NOTCH3: variants seen among roughly 807,000 people sequenced by gnomAD.
NOTCH3 encodes the protein neurogenic locus notch homolog protein 3.
A neutral mutation model predicts 213.3 loss-of-function variants in NOTCH3; 86 were observed. That is an observed-to-expected ratio of 0.40 (90% CI 0.34 to 0.48). The LOEUF (loss-of-function observed/expected upper bound fraction) is 0.48. Ranked by LOEUF, NOTCH3 falls within the 20% of genes least tolerant of loss-of-function variation. NOTCH3 has a pLI of 0.57. For synonymous variants in NOTCH3, 1,354 were observed against 1,355.9 expected, an observed-to-expected ratio of 1.00 and a Z score of 0.03; for missense variants, 2,783 against 3,272.6, an observed-to-expected ratio of 0.85 and a Z score of 3.65.
rs763037697 is a variant in NOTCH3, at chr19:15,184,367, TC to T, written c.2493del (p.Ser832ValfsTer28). 5 of 1,613,662 alleles carry T rather than the reference TC, an allele frequency of 3.1e-6. No individual in the cohort carries two copies. Among genetic ancestry groups the T allele is most frequent in the Non-Finnish European group, 4.2e-6 (5 of 1,179,884 alleles). On this transcript the variant is annotated frameshift_variant, in exon 16 of 33. Coordinates refer to ENST00000263388, the MANE Select transcript of NOTCH3 (RefSeq NM_000435.3). LOFTEE classifies it high-confidence loss of function. The stretch of plus-strand genomic sequence containing the variant: ...CCTCCATGGCAGGTGCAGCTGAAAC[TC>T]CCTGCCAGGTTGGTGCAGATACCAT... ...GPHGICTNLA[G>X]SFSCTCHGGY...
At chr19:15,173,876 C>G (rs1027054330) in intron 25 of NOTCH3, among the ~76,000 whole-genome samples, 192 bp downstream of exon 25, 1 of 152,242 alleles carries the variant, frequency 6.6e-6, no homozygotes, top group Non-Finnish European at 1.5e-5. Flanking sequence ...CAAGCCAGCA[C>G]TAGACCTGGG....
intron 24 of NOTCH3, 34 bp downstream of exon 24, chr19:15,177,491 T>C (rs373031483): frequency 5.7e-6 from 9 of 1,585,820 alleles, no homozygotes; most frequent in African/African-American, 5.4e-5. Flanking sequence ...GATGGATGCA[T>C]AGACAGACGG....
At chr19:15,197,441 G>GCGCCCCCCCCCCCCCC in intron 2 of NOTCH3, 59 bp downstream of exon 2, 14 of 768,342 alleles carry the variant, frequency 1.8e-5, no homozygotes, top group Non-Finnish European at 2.5e-5. Context: ...AAGACAAATC[G>GCGCCCCCCCCCCCCCC]CCCCTCCCCC....
At position 15,161,445 on chromosome 19, in the gene NOTCH3, C is replaced by T. The variant is rs2046642074; in HGVS notation, c.6183G>A (p.Lys2061=). The T allele has an allele frequency of 6.4e-7, 1 of 1,552,382 alleles. No individual in the cohort carries two copies. Among genetic ancestry groups the T allele is most frequent in the African/African-American group, 1.4e-5 (1 of 73,524 alleles). ...CCTTCCCGGGGGGCCTCCTGCTCTT[C>T]TTGGACCCCGACTGTGCCGCTTTGA... ...PGLKAAQSGS[K]KSRRPPGKAG... The change falls in exon 33 of 33, where the codon AAG becomes AAA. Residue 2061 remains lysine (K), a synonymous_variant. Coordinates refer to ENST00000263388, the MANE Select transcript of NOTCH3 (RefSeq NM_000435.3).
chr19:15,170,596 G>A (rs1167866343), intron 26 of NOTCH3, 43 bp from the exon 27 acceptor site: 2 of 1,589,406 alleles, frequency 1.3e-6, no homozygotes, highest in Admixed American at 1.7e-5. Context: ...CCGAGGGCGG[G>A]GCTTTGGCCT....
chr19:15,181,217 C>A, intron 17 of NOTCH3, 55 bp from the exon 18 acceptor site: 1 of 1,498,376 alleles, frequency 6.7e-7, no homozygotes. Context: ...ACAGGCCCTG[C>A]CCTCCTTCCT....
In NOTCH3 at chr19:15,161,126, C is replaced by T. The variant is rs1195174420; in HGVS notation, c.6502G>A (p.Val2168Met). ...LSLGLLNPVAVPLDWARLPPP... is the reference protein window; with the variant it reads ...LSLGLLNPVAMPLDWARLPPP... ...GGCAGCCGGGCCCAATCGAGGGGCA[C>T]AGCCACAGGGTTCAGCAGGCCCAGG... The change falls in exon 33 of 33, where the codon GTG (valine) becomes ATG (methionine). Residue 2168 changes from valine to methionine, a missense_variant. Val to Met is a conservative substitution (Grantham distance 21). This residue lies in a region of NOTCH3 where 441 missense variants were observed against 432.1 expected (regional missense o/e 1.02). Transcript: ENST00000263388. The T allele has an allele frequency of 3.9e-6, 6 of 1,539,938 alleles. No individual in the cohort carries two copies. The highest frequency in any genetic ancestry group is 1.7e-4 in the Middle Eastern group (1 of 5,746).
chr19:15,161,642 C>A lies in NOTCH3; in HGVS notation c.5986G>T (p.Ala1996Ser). 1 of 1,613,804 alleles carries A rather than the reference C, an allele frequency of 6.2e-7. No homozygotes were observed. Among genetic ancestry groups the A allele is most frequent in the Non-Finnish European group, 8.5e-7 (1 of 1,179,898 alleles). ...AGGTGGTCGGTGATCTCACGGTTGG[C>A]AAAGTGGTCCAACAGCAGCTTGGCA... ...EAAKLLLDHF[A>S]NREITDHLDR... The change falls in exon 33 of 33, where the codon GCC (alanine) becomes TCC (serine). Residue 1996 changes from alanine to serine, a missense_variant. By Grantham distance (99) the Ala-to-Ser change is moderately conservative. Coordinates refer to ENST00000263388, the MANE Select transcript of NOTCH3 (RefSeq NM_000435.3).
rs2145420812 is a variant in NOTCH3, at chr19:15,180,259, G to A, written c.3143-3C>T. On this transcript the variant is annotated splice_polypyrimidine_tract_variant and splice_region_variant and intron_variant, in intron 19 of 32. Coordinates refer to ENST00000263388, the MANE Select transcript of NOTCH3 (RefSeq NM_000435.3). ...ACACAGCTGCTCCAGCCGCACCCCT[G>A]CAAAGAGGAGAGTGGCACAGGAACA... 1 of 1,613,634 alleles carries A rather than the reference G, an allele frequency of 6.2e-7. No individual in the cohort carries two copies. Among genetic ancestry groups the A allele is most frequent in the Non-Finnish European group, 8.5e-7 (1 of 1,179,962 alleles).
intron 2 of NOTCH3, among the ~76,000 whole-genome samples, chr19:15,193,330 G>A (rs996652934): frequency 4.6e-5 from 7 of 151,640 alleles, no homozygotes; most frequent in African/African-American, 1.5e-4. Flanking sequence ...TCCACCTCCC[G>A]GGGTTCAAGC....
At position 15,185,263 on chromosome 19, in the gene NOTCH3, C is replaced by A. The variant is rs1370997099; in HGVS notation, c.2290G>T (p.Val764Phe). Residue 764 changes from valine (V) to phenylalanine (F), a missense_variant, in exon 14 of 33, where the codon GTC (valine) becomes TTC (phenylalanine). Physicochemically the swap from Val to Phe is conservative, Grantham distance 50. Coordinates refer to ENST00000263388, the MANE Select transcript of NOTCH3 (RefSeq NM_000435.3). The surrounding 1 kb of genome is among the most constrained non-coding windows in gnomAD (Gnocchi z 4.2). ...GGGAAGGTGAGGTACACACCCTGGA[C>A]ACCAGGCGGGCAGGTGCAGTGGAAA... ...MGFHCTCPPG[V>F]QGRQCELLSP... is the part of the protein sequence containing the mutation. The A allele has an allele frequency of 6.2e-7, 1 of 1,613,164 alleles. No homozygotes were observed. Among genetic ancestry groups the A allele is most frequent in the Admixed American group, 1.7e-5 (1 of 60,010 alleles).
chr19:15,187,965 C>G lies in NOTCH3; in HGVS notation c.1522G>C (p.Val508Leu). Residue 508 changes from valine to leucine, a missense_variant, in exon 10 of 33, where the codon GTG (valine) becomes CTG (leucine). Val to Leu is a conservative substitution (Grantham distance 32, BLOSUM62 1). Transcript: ENST00000263388. The stretch of plus-strand genomic sequence containing the variant: ...CAGGGCGTGCTGGCGCATTCGTCCA[C>G]GTCCAGCTGACACGTGGAGCCGCTG... The part of the protein sequence containing the change: ...GFSGSTCQLD[V>L]DECASTPCRN... 6.4e-7 allele frequency: 1 copy of G among 1,550,950 alleles called. No homozygotes were observed. The highest frequency in any genetic ancestry group is 8.7e-7 in the Non-Finnish European group (1 of 1,146,988).
At position 15,185,642 on chromosome 19, in the gene NOTCH3, G is replaced by A. The variant is rs2046875724; in HGVS notation, c.1989C>T (p.Ser663=). 1 of 1,613,584 alleles carries A rather than the reference G, an allele frequency of 6.2e-7. No homozygotes were observed. Among genetic ancestry groups the A allele is most frequent in the Non-Finnish European group, 8.5e-7 (1 of 1,180,016 alleles). Residue 663 remains serine (S), a synonymous_variant, in exon 13 of 33, where the codon TCC becomes TCT. Transcript: ENST00000263388. This position sits in a 1 kb window ranked among gnomAD's most constrained non-coding sequence, Gnocchi z 4.2. ...LCNVEINECA[S]SPCGEGGSCV... is the part of the protein sequence containing the mutation. ...AGGAACCTCCCTCGCCGCATGGGCTGGAAGCACACTCATTGATCTCCACGT... is the reference window on the plus strand; with the variant it reads ...AGGAACCTCCCTCGCCGCATGGGCTAGAAGCACACTCATTGATCTCCACGT...
chr19:15,166,224 A>G (rs776095100), intron 29 of NOTCH3, 133 bp from the exon 30 acceptor site: 47 of 749,614 alleles, frequency 6.3e-5, no homozygotes, highest in African/African-American at 5.7e-4. Flanking sequence ...CTGTCTGCAC[A>G]CCCACACCCA....
At chr19:15,184,844 C>T (rs1233428220) in intron 15 of NOTCH3, 62 bp downstream of exon 15, 2 of 971,434 alleles carry the variant, frequency 2.1e-6, no homozygotes, top group East Asian at 2.6e-5. Flanking sequence ...CCAGCATCAT[C>T]CCTGATAGGG....
intron 29 of NOTCH3, 94 bp from the exon 30 acceptor site, chr19:15,166,185 C>T: frequency 9.4e-7 from 1 of 1,062,708 alleles, no homozygotes; most frequent in Non-Finnish European, 1.4e-6. Context: ...TAATGGGACA[C>T]ATGGAAAAAT....
In NOTCH3 at chr19:15,170,770, C is replaced by A; in HGVS notation, c.4792G>T (p.Asp1598Tyr). 6.2e-7 allele frequency: 1 copy of A among 1,612,962 alleles called. No homozygotes were observed. The highest frequency in any genetic ancestry group is 8.5e-7 in the Non-Finnish European group (1 of 1,179,774). ...CTCTGGGCATCGGGGAAGCAGTGAT[C>A]ATTCTCAGGCGACTGCAGGCAGAGC... ...NRLCLQSPEN[D>Y]HCFPDAQSAA... Residue 1598 changes from aspartate (D) to tyrosine (Y), a missense_variant, in exon 26 of 33, where the codon GAT becomes TAT. Around this residue, in one of 6 missense-constraint regions of NOTCH3, gnomAD observed 636 missense variants for 801.8 expected, o/e 0.79. Transcript: ENST00000263388.
rs2046765656 is a variant in NOTCH3, at chr19:15,174,068, C to T, written c.4736G>A (p.Gly1579Asp). The T allele has an allele frequency of 6.4e-7, 1 of 1,565,128 alleles. No individual in the cohort carries two copies. The highest frequency in any genetic ancestry group is 1.8e-5 in the Admixed American group (1 of 56,572). The change falls in exon 25 of 33, where the codon GGC becomes GAC. Residue 1579 changes from glycine to aspartate, a missense_variant and splice_region_variant. Physicochemically the swap from Gly to Asp is moderately conservative, Grantham distance 94 (BLOSUM62 -1). Transcript: ENST00000263388. ...GGCTTTTCCAGGTGGGGTCACTCAC[C>T]CGATCACCTCGGGGGCCAGCTCCCG... ...ARRELAPEVI[G>D]SVVMLEIDNR... is the part of the protein sequence containing the mutation.
Position 15,177,622 on chromosome 19 carries a change from G to C in NOTCH3, c.4306C>G (p.Leu1436Val). The change falls in exon 24 of 33, where the codon CTC becomes GTC. Residue 1436 changes from leucine (L) to valine (V), a missense_variant. This residue lies in a region of NOTCH3 where 636 missense variants were observed against 801.8 expected (regional missense o/e 0.79). Coordinates refer to ENST00000263388, the MANE Select transcript of NOTCH3 (RefSeq NM_000435.3). ...GGGTCGCAGCGGCTGTTGTTGAAGA[G>C]GCGCCAGCACTGCAGCGCCTCGCAT... ...RQCEALQCWR[L>V]FNNSRCDPAC... is the part of the protein sequence containing the mutation. 2 of 1,587,520 alleles carry C rather than the reference G, an allele frequency of 1.3e-6. No individual in the cohort carries two copies. Among genetic ancestry groups the C allele is most frequent in the Non-Finnish European group, 1.7e-6 (2 of 1,170,162 alleles).
Sources: allele counts gnomAD v4.1 joint callset (sites outside exome capture counted in the v4.1 genomes callset), GRCh38; gene constraint gnomAD v4.1.1; regional missense constraint gnomAD v4.1.1; non-coding constraint Gnocchi (gnomAD v3.1); transcripts MANE v1.5; gene names NCBI Gene and HGNC (gene_info 2026-07-23, HGNC 2026-07-21).